Variants in CPLX2 observed in about 807,000 individuals in gnomAD.
CPLX2 encodes the protein complexin-2.
A neutral mutation model predicts 16.3 loss-of-function variants in CPLX2; 5 were observed. The observed-to-expected ratio is 0.31, with a 90% CI of 0.16 to 0.64. The LOEUF (loss-of-function observed/expected upper bound fraction) is 0.64. Ranked by LOEUF, CPLX2 falls within the 30% of genes least tolerant of loss-of-function variation. CPLX2 has a pLI of 0.79. For synonymous variants in CPLX2, 89 were observed against 73.2 expected, an observed-to-expected ratio of 1.22 and a Z score of -1.10; for missense variants, 144 against 181.4, an observed-to-expected ratio of 0.79 and a Z score of 1.18.
At chr5:175,855,312 C>T (rs1759233612) in intron 2 of CPLX2, among the ~76,000 whole-genome samples, 1 of 152,222 alleles carries the variant, frequency 6.6e-6, no homozygotes, top group Non-Finnish European at 1.5e-5. Context: ...TATAAGACAC[C>T]TCTTTTAGCC....
chr5:175,844,221 G>A (rs571052564), intron 2 of CPLX2, among the ~76,000 whole-genome samples: 1 of 152,388 alleles, frequency 6.6e-6, no homozygotes, highest in South Asian at 2.1e-4. Flanking sequence ...ACAGCCAGAG[G>A]CTGCCTGGCA....
At chr5:175,825,777 T>C (rs1435543533) in intron 2 of CPLX2, among the ~76,000 whole-genome samples, 1 of 151,924 alleles carries the variant, frequency 6.6e-6, no homozygotes, top group African/African-American at 2.4e-5. Flanking sequence ...TCCGTTGATT[T>C]CCCCAAGGCA....
intron 2 of CPLX2, among the ~76,000 whole-genome samples, chr5:175,821,506 C>T (rs996165172): frequency 6.6e-6 from 1 of 152,152 alleles, no homozygotes; most frequent in East Asian, 1.9e-4. Flanking sequence ...CTCCTGGGTT[C>T]AAGTGATTCT....
At chr5:175,846,283 C>T (rs749312975) in intron 2 of CPLX2, among the ~76,000 whole-genome samples, 2 of 152,154 alleles carry the variant, frequency 1.3e-5, no homozygotes, top group Non-Finnish European at 2.9e-5. Flanking sequence ...GGCTCAAGGG[C>T]ACCTGTGGTC....
intron 2 of CPLX2, among the ~76,000 whole-genome samples, chr5:175,812,381 C>G (rs960542051): frequency 3.9e-5 from 6 of 152,292 alleles, no homozygotes; most frequent in Admixed American, 1.3e-4. Context: ...GTCTCTCACA[C>G]GGGTCTGGGA....
At chr5:175,860,808 T>G (rs1329900558) in intron 2 of CPLX2, among the ~76,000 whole-genome samples, 1 of 151,538 alleles carries the variant, frequency 6.6e-6, no homozygotes, top group Non-Finnish European at 1.5e-5. Flanking sequence ...GGACATAGAG[T>G]CAACCCCACC....
intron 1 of CPLX2, among the ~76,000 whole-genome samples, chr5:175,798,353 G>A (rs932970174): frequency 6.6e-6 from 1 of 152,206 alleles, no homozygotes; most frequent in African/African-American, 2.4e-5. Context: ...TTGTACTGGG[G>A]ACCTGTTATA....
At chr5:175,798,730 T>A (rs1019453191) in intron 1 of CPLX2, among the ~76,000 whole-genome samples, 1 of 152,196 alleles carries the variant, frequency 6.6e-6, no homozygotes, top group Non-Finnish European at 1.5e-5. Flanking sequence ...AATAGTATAA[T>A]AACCCCCCAC....
At position 175,881,826 on chromosome 5, in the gene CPLX2, G is replaced by A. The variant is rs1182150819; in HGVS notation, c.*1781G>A. ...CCCGCCAGGGCCTATCCCAAAAGCA[G>A]GGGCCAGGGAGGGGGCGACTTGCCT... On this transcript the variant is annotated 3_prime_UTR_variant, in exon 4 of 4. Transcript: ENST00000393745. 1.3e-5 allele frequency: 2 copies of A among 152,664 alleles called. No individual in the cohort carries two copies. Among genetic ancestry groups the A allele is most frequent in the African/African-American group, 2.4e-5 (1 of 41,464 alleles). 9.5% of individuals were successfully genotyped at this position (152,664 alleles called of 1,614,324 possible).
Position 175,830,665 on chromosome 5 carries a change from T to G in CPLX2, c.-89+21597T>G, listed in dbSNP as rs1223185930. On this transcript the variant is annotated intron_variant, in intron 2 of 4. Coordinates refer to the CPLX2 transcript ENST00000359546. This position sits in a 1 kb window ranked among gnomAD's most constrained non-coding sequence, Gnocchi z 4.0. ...GAGCACAATCCAGTCTCTGGAGTCCTCACTCCCCAGAGCTTTCCTGGAAAC... is the reference window on the plus strand; with the variant it reads ...GAGCACAATCCAGTCTCTGGAGTCCGCACTCCCCAGAGCTTTCCTGGAAAC... Among the ~76,000 whole-genome samples, 1 of 152,196 alleles carries G rather than the reference T, an allele frequency of 6.6e-6. No individual in the cohort carries two copies. Among genetic ancestry groups the G allele is most frequent in the Non-Finnish European group, 1.5e-5 (1 of 68,030 alleles).
At chr5:175,833,797 CCTT>C (rs1373638092) in intron 2 of CPLX2, among the ~76,000 whole-genome samples, 1 of 152,172 alleles carries the variant, frequency 6.6e-6, no homozygotes, top group Non-Finnish European at 1.5e-5. Flanking sequence ...TAGCCAGGCC[CCTT>C]CTTTGAAAAC....
chr5:175,877,000 G>A (rs771969055), intron 1 of CPLX2, among the ~76,000 whole-genome samples: 2 of 152,030 alleles, frequency 1.3e-5, no homozygotes, highest in Non-Finnish European at 2.9e-5. Context: ...ATATGTAGTC[G>A]GCAACGGCTG....
intron 2 of CPLX2, 36 bp downstream of exon 2, chr5:175,878,806 G>A (rs901801802): frequency 1.9e-6 from 3 of 1,611,666 alleles, no homozygotes; most frequent in Non-Finnish European, 2.5e-6. Context: ...TCCTCAGCCG[G>A]TCCCACCCTT....
At chr5:175,813,813 G>A (rs6874025) in intron 2 of CPLX2, among the ~76,000 whole-genome samples, 44,840 of 152,200 alleles carry the variant, frequency 0.29, 7,920 homozygotes, top group East Asian at 0.69. Context: ...CTCAATTGAA[G>A]GTTAGCCTCT....
chr5:175,861,136 CCAAGA>C (rs1237576998), intron 2 of CPLX2, among the ~76,000 whole-genome samples: 1 of 152,148 alleles, frequency 6.6e-6, no homozygotes, highest in Non-Finnish European at 1.5e-5. Flanking sequence ...AGGCCATGGG[CCAAGA>C]CAAGTTATTT....
At chr5:175,825,404 GA>G (rs56851110) in intron 2 of CPLX2, among the ~76,000 whole-genome samples, 1,724 of 128,794 alleles carry the variant, frequency 0.013, 14 homozygotes, top group African/African-American at 0.032. Flanking sequence ...CAAACAAAAA[GA>G]AAAAAAAAAA....
At chr5:175,877,730 G>C (rs919597603) in intron 1 of CPLX2, among the ~76,000 whole-genome samples, 6 of 152,136 alleles carry the variant, frequency 3.9e-5, no homozygotes, top group Non-Finnish European at 5.9e-5. Flanking sequence ...AAGGGGGAAG[G>C]CTCTTCCTCC....
intron 2 of CPLX2, among the ~76,000 whole-genome samples, chr5:175,839,033 A>C (rs1346817623): frequency 6.6e-6 from 1 of 152,122 alleles, no homozygotes; most frequent in Non-Finnish European, 1.5e-5. Flanking sequence ...CAACAAACCC[A>C]GTGTAATGCT....
At chr5:175,878,434 G>T (rs1313013644) in intron 1 of CPLX2, 51 of 516,400 alleles carry the variant, frequency 9.9e-5, no homozygotes, top group Non-Finnish European at 1.7e-4. Context: ...TTAAAATAGG[G>T]ACCAAACCGC....
Sources: allele counts gnomAD v4.1 joint callset (sites outside exome capture counted in the v4.1 genomes callset), GRCh38; gene constraint gnomAD v4.1.1; non-coding constraint Gnocchi (gnomAD v3.1); transcripts MANE v1.5; gene names NCBI Gene and HGNC (gene_info 2026-07-23, HGNC 2026-07-21).